The following CDH4 variants were observed in gnomAD, a reference collection of about 807,000 sequenced individuals.
The protein encoded by CDH4 is cadherin 4.
Under a neutral mutation model 86.0 loss-of-function variants are expected in CDH4, and 33 were observed. The ratio of observed to expected loss-of-function variants is 0.38; its 90% CI spans 0.29 to 0.51. The LOEUF (loss-of-function observed/expected upper bound fraction) is 0.51, where lower values mean the gene tolerates loss of function less well. Ranked by LOEUF, CDH4 falls within the 20% of genes least tolerant of loss-of-function variation. CDH4 has a pLI of 0.86. For synonymous variants in CDH4, 555 were observed against 549.4 expected, an observed-to-expected ratio of 1.01 and a Z score of -0.14; for missense variants, 1,114 against 1,307.4, an observed-to-expected ratio of 0.85 and a Z score of 2.28.
intron 2 of CDH4, among the ~76,000 whole-genome samples, chr20:61,472,890 C>T (rs1328020031): frequency 6.6e-6 from 1 of 152,146 alleles, no homozygotes; most frequent in Non-Finnish European, 1.5e-5. Context: ...GCTTAACCAA[C>T]CCTCCACAAA....
chr20:61,415,265 C>T (rs1300083475), intron 2 of CDH4, among the ~76,000 whole-genome samples: 1 of 152,178 alleles, frequency 6.6e-6, no homozygotes, highest in Admixed American at 6.5e-5. Context: ...CCTGTGCTGC[C>T]TTCCAGTGGA....
intron 4 of CDH4, among the ~76,000 whole-genome samples, chr20:61,791,266 C>A (rs1979184660): frequency 6.6e-6 from 1 of 152,252 alleles, no homozygotes; most frequent in South Asian, 2.1e-4. Flanking sequence ...ATGAACACTA[C>A]ATAAACTTTC....
chr20:61,297,337 C>T (rs1022722685), intron 2 of CDH4, among the ~76,000 whole-genome samples: 7 of 152,104 alleles, frequency 4.6e-5, no homozygotes, highest in Non-Finnish European at 8.8e-5. Flanking sequence ...AATGAGGAGC[C>T]GAGATCGCGC....
chr20:61,648,184 G>A (rs1039115070), intron 2 of CDH4, among the ~76,000 whole-genome samples: 1 of 152,238 alleles, frequency 6.6e-6, no homozygotes, highest in Non-Finnish European at 1.5e-5. Context: ...AAAGGAAGAT[G>A]AAGACTTGTT....
chr20:61,374,431 G>A (rs918892806), intron 2 of CDH4, among the ~76,000 whole-genome samples: 1 of 152,118 alleles, frequency 6.6e-6, no homozygotes, highest in Admixed American at 6.5e-5. Flanking sequence ...TCTGGGAGGG[G>A]CAACTCTGCT....
chr20:61,933,711 G>A (rs932794305), intron 14 of CDH4, among the ~76,000 whole-genome samples: 6 of 150,396 alleles, frequency 4.0e-5, no homozygotes, highest in South Asian at 2.1e-4. Context: ...CATAACGAAT[G>A]TGAGGCATGT....
rs1568838409 is a variant in CDH4 at position 61,422,454 on chromosome 20, AAAAAAAAAAAAAACC to A, written c.169+167521_169+167535del. Among the ~76,000 whole-genome samples, 315 of 78,864 alleles carry A rather than the reference AAAAAAAAAAAAAACC, an allele frequency of 4.0e-3. 19 individuals are homozygous for A. Among genetic ancestry groups the A allele is most frequent in the African/African-American group, 0.015 (259 of 17,060 alleles). 51.7% of individuals were successfully genotyped at this position (78,864 alleles called of 152,430 possible). On this transcript the variant is annotated intron_variant, in intron 2 of 15. Coordinates refer to ENST00000614565, the MANE Select transcript of CDH4 (RefSeq NM_001794.5). Reference sequence around the variant, plus strand: ...AAAAAAAAAAAAAAAAAAAAAAAAAAAAAAAAAAAAAAACCAAATCTCCCCAAGTGTCTTCTTTAA... The same window carrying A: ...AAAAAAAAAAAAAAAAAAAAAAAAAAAAATCTCCCCAAGTGTCTTCTTTAA...
At chr20:61,530,361 G>A (rs1345041910) in intron 2 of CDH4, among the ~76,000 whole-genome samples, 1 of 152,088 alleles carries the variant, frequency 6.6e-6, no homozygotes, top group East Asian at 1.9e-4. Flanking sequence ...TGTTATGGCT[G>A]TTGCCCCAGT....
chr20:61,470,733 AT>A (rs1194414095), intron 2 of CDH4, among the ~76,000 whole-genome samples: 1 of 151,826 alleles, frequency 6.6e-6, no homozygotes, highest in Non-Finnish European at 1.5e-5. Context: ...GTTTATGAGC[AT>A]TTTTCTTAAT....
At chr20:61,812,038 C>T (rs1980464626) in intron 4 of CDH4, among the ~76,000 whole-genome samples, 1 of 152,094 alleles carries the variant, frequency 6.6e-6, no homozygotes, top group South Asian at 2.1e-4. Context: ...TCCCATCTGC[C>T]CGCCTTCGTC....
chr20:61,421,606 T>C (rs2085178195), intron 2 of CDH4, among the ~76,000 whole-genome samples: 1 of 152,166 alleles, frequency 6.6e-6, no homozygotes, highest in African/African-American at 2.4e-5. Flanking sequence ...CATGTGCAGC[T>C]CTACACTTAA....
intron 4 of CDH4, among the ~76,000 whole-genome samples, chr20:61,793,570 A>G (rs577883042): frequency 2.4e-4 from 36 of 151,808 alleles, no homozygotes; most frequent in Middle Eastern, 3.4e-3. Context: ...GGCCGGGCGC[A>G]GTGGCTCACG....
At chr20:61,526,043 A>G (rs2085907337) in intron 2 of CDH4, among the ~76,000 whole-genome samples, 5 of 152,192 alleles carry the variant, frequency 3.3e-5, no homozygotes, top group Admixed American at 1.3e-4. Context: ...TATCTTGCCC[A>G]AGAACACATG....
rs1678100865 is a variant in CDH4, at chr20:61,810,898, T to C, written c.577-33770T>C. Among the ~76,000 whole-genome samples, 1 of 152,090 alleles carries C rather than the reference T, an allele frequency of 6.6e-6. No individual in the cohort carries two copies. Among genetic ancestry groups the C allele is most frequent in the African/African-American group, 2.4e-5 (1 of 41,432 alleles). ...CAGCCAGCACAGAGGGTATGGCCGCTCCAGGAAGCTTCGAGACGGGGGCTG... is the reference window on the plus strand; with the variant it reads ...CAGCCAGCACAGAGGGTATGGCCGCCCCAGGAAGCTTCGAGACGGGGGCTG... On this transcript the variant is annotated intron_variant, in intron 4 of 15. Coordinates refer to ENST00000614565, the MANE Select transcript of CDH4 (RefSeq NM_001794.5). The surrounding 1 kb of genome is among the most constrained non-coding windows in gnomAD (Gnocchi z 4.3).
At chr20:61,386,778 G>C (rs1181509657) in intron 2 of CDH4, among the ~76,000 whole-genome samples, 1 of 152,242 alleles carries the variant, frequency 6.6e-6, no homozygotes, top group African/African-American at 2.4e-5. Flanking sequence ...TGCTGTCCTC[G>C]ATATTTTGTG....
Position 61,623,070 on chromosome 20 carries a change from G to C in CDH4, c.170-120493G>C, listed in dbSNP as rs571180945. ...AAACAAACGGGGAGGTGCCTTAGAG[G>C]CAAAGCTTCATTTAAAATAATGACA... is the stretch of plus-strand genomic sequence containing the variant. On this transcript the variant is annotated intron_variant, in intron 2 of 15. Coordinates refer to ENST00000614565, the MANE Select transcript of CDH4 (RefSeq NM_001794.5). This position sits in a 1 kb window ranked among gnomAD's most constrained non-coding sequence, Gnocchi z 4.4. Among the ~76,000 whole-genome samples the C allele has an allele frequency of 2.0e-4, 31 of 152,272 alleles. No individual in the cohort carries two copies. Among genetic ancestry groups the C allele is most frequent in the African/African-American group, 7.5e-4 (31 of 41,534 alleles).
chr20:61,665,126 A>G (rs1439375018), intron 2 of CDH4, among the ~76,000 whole-genome samples: 1 of 152,062 alleles, frequency 6.6e-6, no homozygotes, highest in Non-Finnish European at 1.5e-5. Context: ...GAGAAGGACA[A>G]TCCAGCCGGA....
chr20:61,886,563 C>T (rs750131784), intron 7 of CDH4, among the ~76,000 whole-genome samples: 4 of 152,180 alleles, frequency 2.6e-5, no homozygotes, highest in Non-Finnish European at 4.4e-5. Flanking sequence ...TGCAGGACTC[C>T]CGCTGCCCGC....
rs202062316 is a variant in CDH4, at chr20:61,294,207, T to TG, written c.169+39276dup. The stretch of plus-strand genomic sequence containing the variant: ...CGGCATCATGGGCTGACCTGGAGGC[T>TG]GGGGGGTCTGCCCGTGACACCAGCC... On this transcript the variant is annotated intron_variant, in intron 2 of 15. Coordinates refer to ENST00000614565, the MANE Select transcript of CDH4 (RefSeq NM_001794.5). Among the ~76,000 whole-genome samples the TG allele has an allele frequency of 4.0e-3, 615 of 152,268 alleles. 3 individuals are homozygous for TG. Among genetic ancestry groups the TG allele is most frequent in the African/African-American group, 0.014 (589 of 41,558 alleles).
Sources: allele counts gnomAD v4.1 joint callset (sites outside exome capture counted in the v4.1 genomes callset), GRCh38; gene constraint gnomAD v4.1.1; non-coding constraint Gnocchi (gnomAD v3.1); transcripts MANE v1.5; gene names NCBI Gene and HGNC (gene_info 2026-07-23, HGNC 2026-07-21).